ECPAS: variants seen among roughly 807,000 people sequenced by gnomAD.
ECPAS encodes Ecm29 proteasome adaptor and scaffold, also known as proteasome adapter and scaffold protein ECM29.
ECPAS carries 70 observed loss-of-function variants against 255.1 expected under a neutral mutation model. The ratio of observed to expected loss-of-function variants is 0.27; its 90% CI spans 0.23 to 0.33. ECPAS has a LOEUF of 0.33. Ranked by LOEUF, ECPAS falls within the 10% of genes least tolerant of loss-of-function variation. ECPAS has a pLI of 1.00. For synonymous variants in ECPAS, 784 were observed against 775.0 expected (o/e 1.01, Z -0.19); for missense variants, 1,817 against 2,206.4 (o/e 0.82, Z 3.54).
chr9:111,391,525 G>A (rs2098160160), intron 29 of ECPAS, among the ~76,000 whole-genome samples: 2 of 150,900 alleles, frequency 1.3e-5, no homozygotes, highest in African/African-American at 4.9e-5. Context: ...AGGTTGCAGT[G>A]AGCCGAGATT....
intron 3 of ECPAS, among the ~76,000 whole-genome samples, chr9:111,449,893 A>G (rs539650447): frequency 4.9e-4 from 74 of 152,234 alleles, no homozygotes; most frequent in Non-Finnish European, 9.7e-4. Context: ...ACTCTGTCCC[A>G]GCTCAGAACA....
intron 28 of ECPAS, 23 bp downstream of exon 28, chr9:111,392,745 T>C (rs758171413): frequency 4.6e-6 from 7 of 1,524,238 alleles, no homozygotes; most frequent in Non-Finnish European, 5.4e-6. Flanking sequence ...GGCTTGAATC[T>C]AAAATTTTCA....
At position 111,362,187 on chromosome 9, in the gene ECPAS, AAC is replaced by A. The variant is rs773953291; in HGVS notation, c.5381-20_5381-19del. 9.1e-6 allele frequency: 14 copies of A among 1,532,872 alleles called. No individual in the cohort carries two copies. The highest frequency in any genetic ancestry group is 8.6e-5 in the African/African-American group (6 of 70,118). 95.0% of individuals were successfully genotyped at this position (1,532,872 alleles called of 1,614,324 possible). A position where few individuals can be genotyped will look rare whatever the true frequency, so the allele number is the denominator to read the frequency against. On this transcript the variant is annotated intron_variant, in intron 49 of 49. Coordinates refer to ENST00000684092, the MANE Select transcript of ECPAS (RefSeq NM_001364929.1). Reference sequence around the variant, plus strand: ...TTTAGATTCTGCATGAAAAAAAAAAAACAAAAACAAAAAAAACAAAAAACAAA... The same window carrying A: ...TTTAGATTCTGCATGAAAAAAAAAAAAAAAACAAAAAAAACAAAAAACAAA...
At chr9:111,423,008 C>G (rs889854183) in intron 13 of ECPAS, among the ~76,000 whole-genome samples, 191 bp downstream of exon 13, 1 of 152,152 alleles carries the variant, frequency 6.6e-6, no homozygotes, top group South Asian at 2.1e-4. Context: ...CAGTAACATA[C>G]CTTCAAATGT....
intron 3 of ECPAS, among the ~76,000 whole-genome samples, chr9:111,450,644 C>G (rs969281715): frequency 6.6e-6 from 1 of 152,172 alleles, no homozygotes; most frequent in African/African-American, 2.4e-5. Flanking sequence ...AATGAAAATA[C>G]TGGCCAGGCA....
intron 48 of ECPAS, among the ~76,000 whole-genome samples, chr9:111,363,874 C>A (rs1029980095): frequency 1.3e-5 from 2 of 151,928 alleles, no homozygotes; most frequent in Non-Finnish European, 2.9e-5. Context: ...AAAACAAAAA[C>A]CTGTCAGCCA....
At chr9:111,388,089 T>C (rs1011896348) in intron 31 of ECPAS, among the ~76,000 whole-genome samples, 9 of 152,214 alleles carry the variant, frequency 5.9e-5, no homozygotes, top group Non-Finnish European at 8.8e-5. Context: ...ATCAGTCTTA[T>C]ACCAATGCTG....
rs1367473701 is a variant in ECPAS, at chr9:111,370,590, T to A, written c.4819A>T (p.Thr1607Ser). Reference protein sequence around the residue: ...LEKSVPNQPSTNEILQAVLKE... With the variant: ...LEKSVPNQPSSNEILQAVLKE... ...AGAACAGCTTGAAGAATTTCATTTG[T>A]GCTGGGTTGATTGGGCACAGACTTT... The change falls in exon 45 of 50, where the codon ACA (threonine) becomes TCA (serine). Residue 1607 changes from threonine to serine, a missense_variant. Transcript: ENST00000684092. 1 of 1,611,132 alleles carries A rather than the reference T, an allele frequency of 6.2e-7. No individual in the cohort carries two copies. The highest frequency in any genetic ancestry group is 1.3e-5 in the African/African-American group (1 of 74,894).
chr9:111,413,853 G>A, intron 20 of ECPAS, 42 bp downstream of exon 20: 2 of 1,264,360 alleles, frequency 1.6e-6, no homozygotes, highest in Non-Finnish European at 1.1e-6. Flanking sequence ...GTTAAGGTCT[G>A]AAATAGAATT....
At chr9:111,439,459 G>C (rs1329904193) in intron 6 of ECPAS, among the ~76,000 whole-genome samples, 1 of 152,080 alleles carries the variant, frequency 6.6e-6, no homozygotes, top group African/African-American at 2.4e-5. Flanking sequence ...TGTAGAAATA[G>C]GATTTTGCCA....
intron 2 of ECPAS, among the ~76,000 whole-genome samples, chr9:111,469,099 G>A (rs185521026): frequency 1.3e-5 from 2 of 152,306 alleles, no homozygotes; most frequent in African/African-American, 2.4e-5. Flanking sequence ...TTAGCTGAGC[G>A]TGATGGCAGG....
chr9:111,412,200 C>T, intron 20 of ECPAS, 52 bp from the exon 21 acceptor site: 1 of 1,403,654 alleles, frequency 7.1e-7, no homozygotes, highest in Non-Finnish European at 9.4e-7. Flanking sequence ...AACCACGTGC[C>T]TGATGACAAC....
chr9:111,436,547 T>C (rs902218211), intron 7 of ECPAS, among the ~76,000 whole-genome samples: 4 of 152,094 alleles, frequency 2.6e-5, no homozygotes, highest in Admixed American at 1.3e-4. Flanking sequence ...CCCTTAAAAG[T>C]TGAATAATGT....
At chr9:111,468,816 T>C (rs958099567) in intron 2 of ECPAS, among the ~76,000 whole-genome samples, 8 of 151,734 alleles carry the variant, frequency 5.3e-5, no homozygotes, top group African/African-American at 4.8e-5. Context: ...GGCTGGAAGG[T>C]AGGGAAGAGA....
intron 2 of ECPAS, among the ~76,000 whole-genome samples, chr9:111,452,961 G>C (rs2098262277): frequency 6.6e-6 from 1 of 152,116 alleles, no homozygotes. Context: ...ATGGAACATG[G>C]GGTCGAGCAC....
In ECPAS at chr9:111,393,754, A is replaced by G. The variant is rs374396314; in HGVS notation, c.2923-20T>C. ...ATGAGACTGAAAGAAGAAAAAAGGC[A>G]TTAGAACACTGAAACTCTACCTCTT... On this transcript the variant is annotated intron_variant, in intron 26 of 49. Coordinates refer to ENST00000684092, the MANE Select transcript of ECPAS (RefSeq NM_001364929.1). 753 of 1,515,400 alleles carry G rather than the reference A, an allele frequency of 5.0e-4. No homozygotes were observed. The highest frequency in any genetic ancestry group is 5.6e-4 in the Non-Finnish European group (615 of 1,095,284). The allele number at this position is 1,515,400 out of a possible 1,614,324, so 93.9% of individuals were successfully genotyped here. A position where few individuals can be genotyped will look rare whatever the true frequency, so the allele number is the denominator to read the frequency against.
At chr9:111,444,753 C>G (rs377750364) in intron 3 of ECPAS, among the ~76,000 whole-genome samples, 26 of 152,292 alleles carry the variant, frequency 1.7e-4, no homozygotes, top group African/African-American at 6.3e-4. Flanking sequence ...CTCTGTCGTG[C>G]AGGCTGGAGT....
intron 1 of ECPAS, among the ~76,000 whole-genome samples, chr9:111,474,280 A>G (rs7027097): frequency 0.049 from 7,464 of 152,228 alleles, 623 homozygotes; most frequent in African/African-American, 0.17. Context: ...TCTAGAGGCT[A>G]CACTCTCTGT....
intron 46 of ECPAS, among the ~76,000 whole-genome samples, chr9:111,368,741 C>T (rs1027431006): frequency 5.9e-5 from 9 of 152,210 alleles, no homozygotes; most frequent in Non-Finnish European, 1.0e-4. Flanking sequence ...ACTAACCCTG[C>T]TGACGCCTTG....
Sources: allele counts gnomAD v4.1 joint callset (sites outside exome capture counted in the v4.1 genomes callset), GRCh38; gene constraint gnomAD v4.1.1; transcripts MANE v1.5; gene names NCBI Gene and HGNC (gene_info 2026-07-23, HGNC 2026-07-21).